The following PICALM variants were observed in gnomAD, a reference collection of about 807,000 sequenced individuals.
The protein encoded by PICALM is phosphatidylinositol-binding clathrin assembly protein.
PICALM carries 40 observed loss-of-function variants against 80.5 expected under a neutral mutation model. The ratio of observed to expected loss-of-function variants is 0.50; its 90% CI spans 0.39 to 0.65. PICALM has a LOEUF of 0.65. PICALM is among the 30% of genes least tolerant of loss of function. The pLI, the probability that PICALM is intolerant of heterozygous loss-of-function variation, is 0.00. For synonymous variants in PICALM, 288 were observed against 260.3 expected, an observed-to-expected ratio of 1.11 and a Z score of -1.02; for missense variants, 676 against 778.9, an observed-to-expected ratio of 0.87 and a Z score of 1.57.
chr11:86,032,999 C>G (rs2095785240), intron 1 of PICALM, among the ~76,000 whole-genome samples: 1 of 152,118 alleles, frequency 6.6e-6, no homozygotes, highest in Non-Finnish European at 1.5e-5. Context: ...AAGAACAAAA[C>G]AGAGTGCCCA....
intron 2 of PICALM, among the ~76,000 whole-genome samples, chr11:86,029,644 CTTTG>C (rs571478451): frequency 1.3e-3 from 199 of 152,234 alleles, no homozygotes; most frequent in South Asian, 5.2e-3. Flanking sequence ...ATTATTGATA[CTTTG>C]TTTATCTGGC....
chr11:86,027,168 CTAT>C (rs1255956137), intron 2 of PICALM, among the ~76,000 whole-genome samples: 13 of 152,060 alleles, frequency 8.5e-5, no homozygotes, highest in Non-Finnish European at 1.3e-4. Flanking sequence ...GTAATTTTCG[CTAT>C]TATTAACAAA....
intron 1 of PICALM, among the ~76,000 whole-genome samples, chr11:86,058,740 C>T (rs948092816): frequency 1.3e-5 from 2 of 152,068 alleles, no homozygotes; most frequent in South Asian, 4.2e-4. Flanking sequence ...TGTGCTTTAT[C>T]CCTTCTTATA....
chr11:86,003,012 G>A (rs549389193), intron 9 of PICALM, among the ~76,000 whole-genome samples: 2 of 150,622 alleles, frequency 1.3e-5, no homozygotes, highest in Non-Finnish European at 2.9e-5. Context: ...ACTCTGCCTC[G>A]GGGGAAGAAA....
intron 8 of PICALM, chr11:86,007,333 C>G: frequency 3.2e-6 from 1 of 316,522 alleles, no homozygotes; most frequent in South Asian, 8.2e-5. Context: ...AATGGTATGA[C>G]AGTGGGTAGG....
In PICALM at chr11:86,006,754, C is replaced by A. The variant is rs1458738604; in HGVS notation, c.807+788G>T. On this transcript the variant is annotated intron_variant, in intron 8 of 19. Transcript: ENST00000393346. The stretch of plus-strand genomic sequence containing the variant: ...GAAATGTTACAAGGATAGCTTATGC[C>A]AGGTACTTTCATTCTTAATACTCCG... Among the ~76,000 whole-genome samples the A allele has an allele frequency of 2.0e-5, 3 of 152,158 alleles. No individual in the cohort carries two copies. The East Asian group carries it at 5.8e-4, about 29-fold the overall frequency.
chr11:85,967,100 T>C (rs552526109), intron 19 of PICALM, among the ~76,000 whole-genome samples: 2 of 152,332 alleles, frequency 1.3e-5, no homozygotes, highest in East Asian at 3.9e-4. Flanking sequence ...CTGGTGTTTT[T>C]TTCCTCTTCA....
Position 86,068,897 on chromosome 11 carries a change from CCTGCCGGCCTGGGG to C in PICALM, c.-131_-118del. 7.3e-7 allele frequency: 1 copy of C among 1,373,602 alleles called. No homozygotes were observed. The highest frequency in any genetic ancestry group is 2.8e-5 in the Admixed American group (1 of 35,180). The allele number at this position is 1,373,602 out of a possible 1,614,324, so 85.1% of individuals were successfully genotyped here. On this transcript the variant is annotated 5_prime_UTR_variant, in exon 1 of 20. Transcript: ENST00000393346. ...CCTACCCCCACCGGCTCCTTCCCCG[CCTGCCGGCCTGGGG>C]CGCGGTTCGGGGCCGCGCGCTGCCA...
At chr11:85,974,641 G>C in intron 19 of PICALM, 67 bp downstream of exon 19, 5 of 1,011,402 alleles carry the variant, frequency 4.9e-6, no homozygotes, top group South Asian at 1.3e-5. Flanking sequence ...TTGTACAAAA[G>C]GGTTTTATAG....
chr11:85,996,853 C>G lies in PICALM; in HGVS notation c.1231G>C (p.Ala411Pro), dbSNP rs34013602. 3,276 of 1,609,486 alleles carry G rather than the reference C, an allele frequency of 2.0e-3. 5 individuals are homozygous for G. The highest frequency in any genetic ancestry group is 2.4e-3 in the Non-Finnish European group (2,879 of 1,176,310). Residue 411 changes from alanine to proline, a missense_variant, in exon 12 of 20, where the codon GCT becomes CCT. Physicochemically the swap from Ala to Pro is conservative, Grantham distance 27. Transcript: ENST00000393346. Reference protein sequence around the residue: ...FHPSVHPMSTASQVASTWGDP... With the variant: ...FHPSVHPMSTPSQVASTWGDP... The stretch of plus-strand genomic sequence containing the variant: ...CCCCATGTACTTGCTACCTGAGAAG[C>G]AGTTGACATAGGATGTACAGATGGG...
At chr11:86,056,008 T>C (rs932013448) in intron 1 of PICALM, among the ~76,000 whole-genome samples, 2 of 151,330 alleles carry the variant, frequency 1.3e-5, no homozygotes, top group Non-Finnish European at 2.9e-5. Context: ...TGGTGGCACA[T>C]GCCTGTAGTC....
chr11:86,067,262 G>A (rs929875986), intron 1 of PICALM, among the ~76,000 whole-genome samples: 1 of 152,170 alleles, frequency 6.6e-6, no homozygotes, highest in African/African-American at 2.4e-5. Context: ...TTCAGGGCAT[G>A]CTCACTCTTG....
At chr11:86,062,407 A>G (rs1413773946) in intron 1 of PICALM, among the ~76,000 whole-genome samples, 1 of 151,948 alleles carries the variant, frequency 6.6e-6, no homozygotes. Flanking sequence ...AATCCCAGGT[A>G]TTTGGGAGGC....
intron 19 of PICALM, among the ~76,000 whole-genome samples, chr11:85,965,802 ATTTTGTTTTTTTGTTTTTTTTTTT>A (rs2093860900): frequency 9.5e-6 from 1 of 105,758 alleles, no homozygotes; most frequent in African/African-American, 3.6e-5. Flanking sequence ...TGCATTACCC[ATTTTGTTTTTTTGTTTTTTTTTTT>A]TTTTTTTTTT....
chr11:86,058,378 T>C (rs1278109012), intron 1 of PICALM, among the ~76,000 whole-genome samples: 1 of 152,206 alleles, frequency 6.6e-6, no homozygotes, highest in Non-Finnish European at 1.5e-5. Flanking sequence ...TCTGCAATCT[T>C]TAGTGAGGAA....
At position 86,016,308 on chromosome 11, in the gene PICALM, GAAC is replaced by G. The variant is rs757073327; in HGVS notation, c.453-1348_453-1346del. On this transcript the variant is annotated intron_variant, in intron 4 of 19. Coordinates refer to ENST00000393346, the MANE Select transcript of PICALM (RefSeq NM_007166.4). The stretch of plus-strand genomic sequence containing the variant: ...ACATCATCCTAGCCCCACCCCTGAA[GAAC>G]AACAACAAAAAAAGGTAAAATTCAG... 4.6e-5 allele frequency among the ~76,000 whole-genome samples: 7 copies of G among 151,912 alleles called. No homozygotes were observed. In the East Asian group the frequency reaches 1.3e-3, roughly 29 times the overall value.
intron 15 of PICALM, 32 bp downstream of exon 15, chr11:85,981,840 A>C (rs768605758): frequency 1.6e-5 from 25 of 1,612,472 alleles, no homozygotes; most frequent in Non-Finnish European, 7.6e-6. Flanking sequence ...AAACAACATA[A>C]AAGAAGATTA....
At chr11:85,978,470 T>C (rs1316593813) in intron 17 of PICALM, 2 of 152,944 alleles carry the variant, frequency 1.3e-5, no homozygotes, top group African/African-American at 4.8e-5. Context: ...GTATAATATA[T>C]ATTTTAATAA....
At chr11:86,066,109 G>A (rs772003028) in intron 1 of PICALM, among the ~76,000 whole-genome samples, 63 of 152,268 alleles carry the variant, frequency 4.1e-4, no homozygotes, top group Admixed American at 1.7e-3. Flanking sequence ...ACAGGTTTCT[G>A]TATTAAAGCC....
Sources: gnomAD v4.1 joint callset for allele counts (sites outside exome capture counted in the v4.1 genomes callset) on GRCh38, gnomAD v4.1.1 for gene constraint, MANE v1.5 for transcripts, NCBI Gene and HGNC (gene_info 2026-07-23, HGNC 2026-07-21) for gene names.